The following SLC9C2 variants were observed in gnomAD, a reference collection of about 807,000 sequenced individuals.
SLC9C2 encodes sodium/hydrogen exchanger 11.
Under a neutral mutation model 140.2 loss-of-function variants are expected in SLC9C2, and 75 were observed. That is an observed-to-expected ratio of 0.53 (90% confidence interval 0.44 to 0.65). The LOEUF is 0.65. Among genes scored for constraint, SLC9C2 ranks in the 30% least tolerant of loss-of-function variants. SLC9C2 has a pLI of 0.00. For synonymous variants in SLC9C2, 375 were observed against 420.9 expected (o/e 0.89, Z 1.34); for missense variants, 1,074 against 1,331.8 (o/e 0.81, Z 3.01).
At chr1:173,547,140 G>C in intron 13 of SLC9C2, among the ~76,000 whole-genome samples, 1 of 152,118 alleles carries the variant, frequency 6.6e-6, no homozygotes, top group South Asian at 2.1e-4. Flanking sequence ...AATAAAATTT[G>C]TTCCATTTGA....
intron 22 of SLC9C2, among the ~76,000 whole-genome samples, chr1:173,518,265 GA>G (rs58585946): frequency 0.081 from 11,393 of 139,954 alleles, 556 homozygotes; most frequent in Middle Eastern, 0.14. Context: ...CCATCTCAAA[GA>G]AAAAAAAAAA....
intron 5 of SLC9C2, among the ~76,000 whole-genome samples, chr1:173,586,993 T>TTTGTTG (rs562646068): frequency 6.6e-6 from 1 of 151,926 alleles, no homozygotes; most frequent in Non-Finnish European, 1.5e-5. Context: ...GTATCCCATT[T>TTTGTTG]TTGTTGTTGT....
At chr1:173,601,128 C>T (rs1402860734) in intron 2 of SLC9C2, among the ~76,000 whole-genome samples, 1 of 151,874 alleles carries the variant, frequency 6.6e-6, no homozygotes, top group Non-Finnish European at 1.5e-5. Flanking sequence ...ATTTATCTTC[C>T]CTGAAGAGAG....
chr1:173,529,483 A>C (rs1661419045), intron 18 of SLC9C2, among the ~76,000 whole-genome samples: 1 of 151,880 alleles, frequency 6.6e-6, no homozygotes, highest in African/African-American at 2.4e-5. Context: ...ACCCCACAGT[A>C]CCAGGATTTC....
Position 173,571,205 on chromosome 1 carries a change from G to T in SLC9C2, c.1046+1977C>A, listed in dbSNP as rs147914248. Among the ~76,000 whole-genome samples, 510 of 152,266 alleles carry T rather than the reference G, an allele frequency of 3.3e-3. 3 individuals are homozygous for T. Among genetic ancestry groups the T allele is most frequent in the African/African-American group, 0.011 (477 of 41,550 alleles). ...CCCTTCACAAATCCCATTCCCCAGA[G>T]GAAAGTAACCACTCTTACGGGGCTG... On this transcript the variant is annotated intron_variant, in intron 9 of 27. Transcript: ENST00000367714.
intron 26 of SLC9C2, 124 bp from the exon 27 acceptor site, chr1:173,503,450 C>T (rs1006084178): frequency 1.2e-6 from 1 of 844,440 alleles, no homozygotes; most frequent in Non-Finnish European, 1.8e-6. Context: ...CCTTCCCCCT[C>T]TCAAATGTCC....
At position 173,525,536 on chromosome 1, in the gene SLC9C2, G is replaced by A. The variant is rs142523343; in HGVS notation, c.2366-609C>T. 3.2e-4 allele frequency among the ~76,000 whole-genome samples: 49 copies of A among 152,326 alleles called. No homozygotes were observed. The Middle Eastern group carries it at 0.01, about 32-fold the overall frequency. On this transcript the variant is annotated intron_variant, in intron 19 of 27. Transcript: ENST00000367714. ...AATGATCAAAAGCATAGGTTTTAGT[G>A]TCAAATACACCTGGGCTAGAAACCT...
chr1:173,512,187 A>G (rs2101909630), intron 23 of SLC9C2, among the ~76,000 whole-genome samples: 1 of 152,318 alleles, frequency 6.6e-6, no homozygotes, highest in Non-Finnish European at 1.5e-5. Context: ...AATTCTGTGA[A>G]GAATGTCAAT....
chr1:173,514,399 C>T (rs979237882), intron 23 of SLC9C2, among the ~76,000 whole-genome samples: 3 of 152,170 alleles, frequency 2.0e-5, no homozygotes, highest in Admixed American at 1.3e-4. Flanking sequence ...GATCCCTTTA[C>T]CATTATGTAA....
At chr1:173,517,507 T>G in intron 23 of SLC9C2, 30 bp downstream of exon 23, 1 of 1,532,846 alleles carries the variant, frequency 6.5e-7, no homozygotes, top group Non-Finnish European at 8.7e-7. Context: ...GAAGAATAAT[T>G]AATAACTCAT....
intron 7 of SLC9C2, among the ~76,000 whole-genome samples, chr1:173,579,699 T>G (rs182894387): frequency 2.2e-4 from 34 of 152,352 alleles, no homozygotes; most frequent in Non-Finnish European, 4.0e-4. Flanking sequence ...AAATATATTT[T>G]TGGTAAACAT....
chr1:173,597,133 C>A (rs996305656), intron 4 of SLC9C2, among the ~76,000 whole-genome samples: 1 of 151,112 alleles, frequency 6.6e-6, no homozygotes, highest in Non-Finnish European at 1.5e-5. Context: ...TAAAAAAAAA[C>A]ATGTACAAGC....
At chr1:173,548,592 G>T (rs754514605) in intron 11 of SLC9C2, 40 bp from the exon 12 acceptor site, 1 of 1,609,760 alleles carries the variant, frequency 6.2e-7, no homozygotes. Context: ...ATAGAGTACA[G>T]TGAGGACTGC....
chr1:173,503,225 G>C, intron 27 of SLC9C2, 41 bp downstream of exon 27: 1 of 1,549,192 alleles, frequency 6.5e-7, no homozygotes, highest in Non-Finnish European at 8.9e-7. Context: ...TTCAATATTT[G>C]CAATAAGAAA....
At position 173,524,668 on chromosome 1, in the gene SLC9C2, T is replaced by C. The variant is rs80304178; in HGVS notation, c.2514+111A>G. The stretch of plus-strand genomic sequence containing the variant: ...CATTATCAAAGGCTGAAGGTGATTA[T>C]AGAGTTAACACCTGTGGTTAAACAA... On this transcript the variant is annotated intron_variant, in intron 20 of 27. Coordinates refer to ENST00000367714, the MANE Select transcript of SLC9C2 (RefSeq NM_178527.4). 1,613 of 1,144,424 alleles carry C rather than the reference T, an allele frequency of 1.4e-3. 11 individuals carry two copies. The African/African-American group carries it at 0.018, about 13-fold the overall frequency. 70.9% of individuals were successfully genotyped at this position (1,144,424 alleles called of 1,614,324 possible).
intron 9 of SLC9C2, among the ~76,000 whole-genome samples, chr1:173,567,175 T>C (rs896522932): frequency 1.3e-5 from 2 of 152,136 alleles, no homozygotes; most frequent in Non-Finnish European, 1.5e-5. Flanking sequence ...TAAATATCTA[T>C]AAGGTCTATT....
At chr1:173,579,888 A>G (rs931365533) in intron 7 of SLC9C2, among the ~76,000 whole-genome samples, 4 of 152,152 alleles carry the variant, frequency 2.6e-5, no homozygotes, top group African/African-American at 9.7e-5. Flanking sequence ...AGGGAACCCC[A>G]TCCTACCTGC....
intron 22 of SLC9C2, among the ~76,000 whole-genome samples, chr1:173,520,926 G>A: frequency 6.6e-6 from 1 of 151,916 alleles, no homozygotes; most frequent in African/African-American, 2.4e-5. Flanking sequence ...CTCTCTCTCT[G>A]TCTCTCTCTC....
chr1:173,524,648 T>C, intron 20 of SLC9C2, 131 bp downstream of exon 20: 9 of 960,954 alleles, frequency 9.4e-6, no homozygotes, highest in Non-Finnish European at 1.4e-5. Flanking sequence ...CTTTGCATTA[T>C]CAAAGGCTGA....
Sources: gnomAD v4.1 joint callset for allele counts (sites outside exome capture counted in the v4.1 genomes callset) on GRCh38, gnomAD v4.1.1 for gene constraint, MANE v1.5 for transcripts, NCBI Gene and HGNC (gene_info 2026-07-23, HGNC 2026-07-21) for gene names.